The following PTPN11 variants were observed in gnomAD, a reference collection of about 807,000 sequenced individuals.
PTPN11 encodes tyrosine-protein phosphatase non-receptor type 11.
Under a neutral mutation model 78.8 loss-of-function variants are expected in PTPN11, and 6 were observed. The observed-to-expected ratio is 0.08, with a 90% CI of 0.04 to 0.15. The LOEUF is 0.15. Among genes scored for constraint, PTPN11 ranks in the 10% least tolerant of loss-of-function variants. The probability of loss-of-function intolerance (pLI) is 1.00; values close to 1 mark genes in which losing one functional copy is unlikely to be tolerated. For synonymous variants in PTPN11, 221 were observed against 263.5 expected, an observed-to-expected ratio of 0.84 and a Z score of 1.56; for missense variants, 386 against 744.8, an observed-to-expected ratio of 0.52 and a Z score of 5.61.
At chr12:112,493,520 C>T (rs572714539) in intron 13 of PTPN11, among the ~76,000 whole-genome samples, 1 of 151,734 alleles carries the variant, frequency 6.6e-6, no homozygotes, top group African/African-American at 2.4e-5. Context: ...TCCCAAGTAG[C>T]TGAGACTACA....
At chr12:112,489,262 C>G in intron 13 of PTPN11, 87 bp downstream of exon 13, 3 of 1,480,060 alleles carry the variant, frequency 2.0e-6, no homozygotes, top group South Asian at 2.3e-5. Flanking sequence ...AGGACAGGCT[C>G]TGATAGACAA....
At chr12:112,489,304 C>A in intron 13 of PTPN11, 129 bp downstream of exon 13, 1 of 1,108,324 alleles carries the variant, frequency 9.0e-7, no homozygotes, top group Non-Finnish European at 1.4e-6. Flanking sequence ...AACAAACTCC[C>A]AACTAAAAGG....
intron 9 of PTPN11, among the ~76,000 whole-genome samples, chr12:112,481,708 T>C (rs1237760416): frequency 1.3e-5 from 2 of 152,156 alleles, no homozygotes; most frequent in African/African-American, 2.4e-5. Flanking sequence ...GCCAGGTTGG[T>C]CTCAAACCTC....
At chr12:112,441,159 T>G (rs1350501921) in intron 1 of PTPN11, among the ~76,000 whole-genome samples, 2 of 151,732 alleles carry the variant, frequency 1.3e-5, no homozygotes, top group Non-Finnish European at 2.9e-5. Flanking sequence ...GGACAGGGTT[T>G]CTCCATGTTG....
chr12:112,497,836 A>G (rs2038830891), intron 13 of PTPN11, among the ~76,000 whole-genome samples: 1 of 152,160 alleles, frequency 6.6e-6, no homozygotes, highest in Non-Finnish European at 1.5e-5. Flanking sequence ...GAGGAGTCTG[A>G]AGCAGGGGAA....
chr12:112,486,825 G>A, intron 11 of PTPN11, 196 bp downstream of exon 11: 3 of 1,443,892 alleles, frequency 2.1e-6, no homozygotes, highest in Non-Finnish European at 2.7e-6. Flanking sequence ...ACTGCCATTG[G>A]CCATGGCCAT....
At chr12:112,461,050 G>A (rs560884529) in intron 6 of PTPN11, among the ~76,000 whole-genome samples, 1 of 151,978 alleles carries the variant, frequency 6.6e-6, no homozygotes, top group South Asian at 2.1e-4. Context: ...TATATTTCTT[G>A]TAAGTTGATA....
intron 11 of PTPN11, 71 bp from the exon 12 acceptor site, chr12:112,488,372 T>C (rs1341538654): frequency 8.3e-7 from 1 of 1,204,166 alleles, no homozygotes; most frequent in African/African-American, 1.5e-5. Context: ...TTGATATTAA[T>C]GGCTTGGTTT....
intron 1 of PTPN11, among the ~76,000 whole-genome samples, chr12:112,431,236 C>T (rs1653163357): frequency 6.6e-6 from 1 of 152,184 alleles, no homozygotes; most frequent in African/African-American, 2.4e-5. Context: ...CTGTATTAAC[C>T]ATTTGCTAGG....
intron 1 of PTPN11, among the ~76,000 whole-genome samples, chr12:112,432,769 C>T (rs915889168): frequency 1.3e-5 from 2 of 151,556 alleles, no homozygotes; most frequent in African/African-American, 2.4e-5. Flanking sequence ...CATTTGAACT[C>T]AGGAGTTTGA....
At chr12:112,447,467 A>T (rs565898564) in intron 2 of PTPN11, among the ~76,000 whole-genome samples, 4 of 151,574 alleles carry the variant, frequency 2.6e-5, no homozygotes, top group African/African-American at 9.7e-5. Flanking sequence ...CAACTTAAAA[A>T]TTTTTTTTTG....
At chr12:112,442,831 TATATATATATATATATA>T (rs1427053902) in intron 1 of PTPN11, among the ~76,000 whole-genome samples, 1 of 1,660 alleles carries the variant, frequency 6.0e-4, no homozygotes, top group East Asian at 0.083. Flanking sequence ...TCTCTCTTTT[TATATATATATATATATA>T]TATATATATA....
intron 6 of PTPN11, among the ~76,000 whole-genome samples, chr12:112,470,745 A>G (rs752128687): frequency 1.3e-5 from 2 of 152,134 alleles, no homozygotes; most frequent in Non-Finnish European, 2.9e-5. Context: ...GCTGCTAATT[A>G]GTCCCAGTCC....
At chr12:112,502,502 T>C (rs1290568083) in intron 14 of PTPN11, among the ~76,000 whole-genome samples, 1 of 152,170 alleles carries the variant, frequency 6.6e-6, no homozygotes, top group Non-Finnish European at 1.5e-5. Context: ...TCCCAGTGCT[T>C]TGGGAGGCCG....
At chr12:112,498,102 G>A (rs1592860126) in intron 13 of PTPN11, among the ~76,000 whole-genome samples, 1 of 152,002 alleles carries the variant, frequency 6.6e-6, no homozygotes, top group South Asian at 2.1e-4. Flanking sequence ...GCAGTGAGCC[G>A]AGATTGTGCC....
intron 6 of PTPN11, among the ~76,000 whole-genome samples, chr12:112,462,086 A>G (rs2038256535): frequency 6.6e-6 from 1 of 152,192 alleles, no homozygotes; most frequent in South Asian, 2.1e-4. Flanking sequence ...TGCTGGGCAC[A>G]GTGGCTCACG....
chr12:112,504,650 T>TGG lies in PTPN11; in HGVS notation c.1713-44_1713-43dup. ...AGATATCATGTAAGCTTAAACAGCG[T>TGG]GGTCTACATTTTTGTAAATGTCTTT... On this transcript the variant is annotated intron_variant, in intron 14 of 15. Transcript: ENST00000351677. This position sits in a 1 kb window ranked among gnomAD's most constrained non-coding sequence, Gnocchi z 4.7. The TGG allele has an allele frequency of 1.5e-6, 2 of 1,370,602 alleles. No individual in the cohort carries two copies. Among genetic ancestry groups the TGG allele is most frequent in the Non-Finnish European group, 2.1e-6 (2 of 966,938 alleles). The allele number at this position is 1,370,602 out of a possible 1,614,324, so 84.9% of individuals were successfully genotyped here.
At position 112,486,512 on chromosome 12, in the gene PTPN11, G is replaced by A. The variant is rs1420362815; in HGVS notation, c.1262G>A (p.Arg421Gln). ...TERTVWQYHFRTWPDHGVPSD... is the reference protein window; with the variant it reads ...TERTVWQYHFQTWPDHGVPSD... Reference sequence around the variant, plus strand: ...AGAACGGTCTGGCAATACCACTTTCGGACCTGGCCGGACCACGGCGTGCCC... The same window carrying A: ...AGAACGGTCTGGCAATACCACTTTCAGACCTGGCCGGACCACGGCGTGCCC... Residue 421 changes from arginine to glutamine, a missense_variant, in exon 11 of 16, where the codon CGG becomes CAG. Physicochemically the swap from Arg to Gln is conservative, Grantham distance 43. Around this residue, in one of 3 missense-constraint regions of PTPN11, gnomAD observed 63 missense variants for 182.2 expected, o/e 0.35. Coordinates refer to ENST00000351677, the MANE Select transcript of PTPN11 (RefSeq NM_002834.5). The A allele has an allele frequency of 1.2e-6, 2 of 1,614,010 alleles. No individual in the cohort carries two copies. The highest frequency in any genetic ancestry group is 1.7e-6 in the Non-Finnish European group (2 of 1,180,014).
intron 1 of PTPN11, among the ~76,000 whole-genome samples, chr12:112,439,163 A>G (rs1406979118): frequency 6.6e-6 from 1 of 152,230 alleles, no homozygotes; most frequent in African/African-American, 2.4e-5. Context: ...GCTGGGCTTC[A>G]GACCAAGACA....
Sources: allele counts gnomAD v4.1 joint callset (sites outside exome capture counted in the v4.1 genomes callset), GRCh38; gene constraint gnomAD v4.1.1; regional missense constraint gnomAD v4.1.1; non-coding constraint Gnocchi (gnomAD v3.1); transcripts MANE v1.5; gene names NCBI Gene and HGNC (gene_info 2026-07-23, HGNC 2026-07-21).